The following PPFIA2 variants were observed in gnomAD, a reference collection of about 807,000 sequenced individuals.
The protein encoded by PPFIA2 is PPFI scaffold protein A2.
In PPFIA2, 46 loss-of-function variants were observed where a neutral mutation model predicts 175.5. The observed-to-expected ratio is 0.26, with a 90% CI of 0.21 to 0.34. The LOEUF is 0.34. PPFIA2 is among the 10% of genes least tolerant of loss of function. The probability of loss-of-function intolerance (pLI) is 1.00; values close to 1 mark genes in which losing one functional copy is unlikely to be tolerated. For synonymous variants in PPFIA2, 568 were observed against 511.4 expected, an observed-to-expected ratio of 1.11 and a Z score of -1.49; for missense variants, 1,179 against 1,506.1, an observed-to-expected ratio of 0.78 and a Z score of 3.60.
chr12:81,488,236 A>T (rs939616623), intron 4 of PPFIA2, among the ~76,000 whole-genome samples: 2 of 151,880 alleles, frequency 1.3e-5, no homozygotes, highest in Non-Finnish European at 2.9e-5. Flanking sequence ...ATAGGACCAT[A>T]ATAAAGCCAG....
chr12:81,421,597 AAAG>A (rs2046252949), intron 7 of PPFIA2, among the ~76,000 whole-genome samples: 1 of 152,084 alleles, frequency 6.6e-6, no homozygotes, highest in Admixed American at 6.6e-5. Flanking sequence ...ATCTAATTAA[AAAG>A]AAGACAGTAA....
At chr12:81,630,899 A>ATATATATATATATATATATATTTTT (rs1411924550) in intron 4 of PPFIA2, among the ~76,000 whole-genome samples, 1 of 106,446 alleles carries the variant, frequency 9.4e-6, no homozygotes, top group African/African-American at 2.9e-5. Context: ...ATATATATAT[A>ATATATATATATATATATATATTTTT]TTTTTTTTTT....
chr12:81,618,517 C>G (rs2061645841), intron 4 of PPFIA2, among the ~76,000 whole-genome samples: 1 of 148,438 alleles, frequency 6.7e-6, no homozygotes, highest in Non-Finnish European at 1.5e-5. Flanking sequence ...GCTTTTGATA[C>G]CCATGGCACT....
intron 4 of PPFIA2, among the ~76,000 whole-genome samples, chr12:81,482,953 T>C (rs1219975229): frequency 3.9e-5 from 6 of 152,098 alleles, no homozygotes; most frequent in Non-Finnish European, 8.8e-5. Flanking sequence ...GCTTACAGTT[T>C]AAGAAGACAC....
At chr12:81,269,115 T>TA (rs1270026172) in intron 28 of PPFIA2, among the ~76,000 whole-genome samples, 7 of 152,118 alleles carry the variant, frequency 4.6e-5, no homozygotes, top group African/African-American at 1.7e-4. Flanking sequence ...TCTTTTTTTT[T>TA]AGATAAAAAC....
At chr12:81,333,457 T>C (rs1359311897) in intron 21 of PPFIA2, among the ~76,000 whole-genome samples, 1 of 152,144 alleles carries the variant, frequency 6.6e-6, no homozygotes, top group Non-Finnish European at 1.5e-5. Context: ...TTCCTCCAGG[T>C]TGATGATGTG....
intron 22 of PPFIA2, among the ~76,000 whole-genome samples, chr12:81,311,651 T>C (rs1316224137): frequency 6.8e-6 from 1 of 146,388 alleles, no homozygotes; most frequent in Non-Finnish European, 1.5e-5. Context: ...GAGAATGGCA[T>C]GAACCTGGGA....
intron 4 of PPFIA2, among the ~76,000 whole-genome samples, chr12:81,544,917 T>C (rs958432534): frequency 2.6e-5 from 4 of 152,164 alleles, no homozygotes; most frequent in African/African-American, 4.8e-5. Context: ...AGTTAAATGC[T>C]TAAATCATAG....
chr12:81,407,930 T>C (rs563642896), intron 7 of PPFIA2, among the ~76,000 whole-genome samples: 1 of 152,154 alleles, frequency 6.6e-6, no homozygotes, highest in Non-Finnish European at 1.5e-5. Flanking sequence ...CCTAATAATA[T>C]CTCCTGAGAA....
At chr12:81,262,515 C>T (rs2035949379) in intron 31 of PPFIA2, among the ~76,000 whole-genome samples, 1 of 152,108 alleles carries the variant, frequency 6.6e-6, no homozygotes, top group Non-Finnish European at 1.5e-5. Context: ...ATAACTGTGA[C>T]CTTGACAAGA....
At chr12:81,756,410 T>G (rs996426113) in intron 2 of PPFIA2, among the ~76,000 whole-genome samples, 1 of 152,064 alleles carries the variant, frequency 6.6e-6, no homozygotes, top group African/African-American at 2.4e-5. Flanking sequence ...GAAAATAATA[T>G]CCTAACAATC....
At chr12:81,548,081 T>C (rs1223067156) in intron 4 of PPFIA2, among the ~76,000 whole-genome samples, 6 of 152,166 alleles carry the variant, frequency 3.9e-5, no homozygotes, top group Non-Finnish European at 5.9e-5. Context: ...ATTGCTACTA[T>C]ATATCGTAAT....
At chr12:81,543,369 A>C (rs777593945) in intron 4 of PPFIA2, among the ~76,000 whole-genome samples, 1 of 152,156 alleles carries the variant, frequency 6.6e-6, no homozygotes. Flanking sequence ...ACAGCAGTGA[A>C]TAGAGCTCCT....
intron 7 of PPFIA2, among the ~76,000 whole-genome samples, chr12:81,408,296 A>C (rs1275534814): frequency 1.3e-5 from 2 of 152,180 alleles, no homozygotes; most frequent in Non-Finnish European, 2.9e-5. Context: ...ATGAATTATA[A>C]ATTTTAAAAT....
At chr12:81,590,687 T>C (rs1289383064) in intron 4 of PPFIA2, among the ~76,000 whole-genome samples, 1 of 152,000 alleles carries the variant, frequency 6.6e-6, no homozygotes, top group Non-Finnish European at 1.5e-5. Flanking sequence ...GATCTGATGG[T>C]TTTAAAAATG....
At chr12:81,695,896 T>C (rs1055269018) in intron 3 of PPFIA2, among the ~76,000 whole-genome samples, 1 of 152,200 alleles carries the variant, frequency 6.6e-6, no homozygotes, top group South Asian at 2.1e-4. Context: ...CTATGTTATA[T>C]AATTGTCTGA....
intron 4 of PPFIA2, among the ~76,000 whole-genome samples, chr12:81,482,836 T>G (rs1313942248): frequency 6.6e-6 from 1 of 151,994 alleles, no homozygotes; most frequent in Non-Finnish European, 1.5e-5. Flanking sequence ...ACATGTGTAC[T>G]TATGTAACAA....
At chr12:81,673,591 G>T (rs142281765) in intron 4 of PPFIA2, among the ~76,000 whole-genome samples, 59 of 152,012 alleles carry the variant, frequency 3.9e-4, no homozygotes, top group African/African-American at 1.3e-3. Flanking sequence ...TATGCTGGAG[G>T]TTAATCTGTG....
At chr12:81,284,881 G>C (rs1194303156) in intron 24 of PPFIA2, among the ~76,000 whole-genome samples, 1 of 152,104 alleles carries the variant, frequency 6.6e-6, no homozygotes, top group Non-Finnish European at 1.5e-5. Flanking sequence ...TAAATAGTAA[G>C]TGTCCCTGAA....
Sources: gnomAD v4.1 joint callset for allele counts (sites outside exome capture counted in the v4.1 genomes callset) on GRCh38, gnomAD v4.1.1 for gene constraint, MANE v1.5 for transcripts, NCBI Gene and HGNC (gene_info 2026-07-23, HGNC 2026-07-21) for gene names.